The following ITCH variants were observed in gnomAD, a reference collection of about 807,000 sequenced individuals.
ITCH encodes E3 ubiquitin-protein ligase Itchy homolog.
ITCH carries 28 observed loss-of-function variants against 126.8 expected under a neutral mutation model. That is an observed-to-expected ratio of 0.22 (90% CI 0.16 to 0.30). ITCH has a LOEUF of 0.30. Among genes scored for constraint, ITCH ranks in the 10% least tolerant of loss-of-function variants. ITCH has a pLI of 1.00. For missense variants in ITCH, 631 were observed against 1,032.4 expected (o/e 0.61, Z 5.33); for synonymous variants, 342 against 340.0 (o/e 1.01, Z -0.06).
intron 22 of ITCH, among the ~76,000 whole-genome samples, chr20:34,491,088 A>G (rs544464948): frequency 6.6e-6 from 1 of 152,294 alleles, no homozygotes; most frequent in East Asian, 1.9e-4. Flanking sequence ...AAAATCATAA[A>G]TCGAACCATC....
At chr20:34,405,840 T>C (rs1054748274) in intron 3 of ITCH, among the ~76,000 whole-genome samples, 2 of 151,972 alleles carry the variant, frequency 1.3e-5, no homozygotes, top group Non-Finnish European at 2.9e-5. Flanking sequence ...TCCAGGCTGG[T>C]CTTAAACTCC....
intron 23 of ITCH, among the ~76,000 whole-genome samples, chr20:34,499,306 T>TG (rs1990099102): frequency 2.9e-5 from 4 of 135,634 alleles, no homozygotes; most frequent in Admixed American, 7.6e-5. Context: ...TTTTTTTTTT[T>TG]GAGACAGTCT....
At chr20:34,406,824 G>T (rs1339465910) in intron 3 of ITCH, among the ~76,000 whole-genome samples, 1 of 152,094 alleles carries the variant, frequency 6.6e-6, no homozygotes, top group Non-Finnish European at 1.5e-5. Context: ...GTGAGCCACC[G>T]CACCCGGCTA....
At chr20:34,486,764 C>T (rs1006605064) in intron 20 of ITCH, among the ~76,000 whole-genome samples, 1 of 151,718 alleles carries the variant, frequency 6.6e-6, no homozygotes, top group Non-Finnish European at 1.5e-5. Context: ...GTGGTGAAAT[C>T]TTGCCTCACG....
intron 2 of ITCH, among the ~76,000 whole-genome samples, chr20:34,370,612 C>G (rs1208815643): frequency 6.8e-6 from 1 of 146,920 alleles, no homozygotes; most frequent in Non-Finnish European, 1.5e-5. Context: ...TGCAGTAAGC[C>G]AAGATCGTGC....
intron 11 of ITCH, among the ~76,000 whole-genome samples, chr20:34,449,027 TATA>T (rs934878277): frequency 1.3e-5 from 2 of 152,160 alleles, no homozygotes; most frequent in African/African-American, 2.4e-5. Flanking sequence ...GAGTTACACA[TATA>T]ATATTTTTCA....
At chr20:34,445,230 C>CT in intron 10 of ITCH, 57 bp from the exon 11 acceptor site, 1 of 1,574,826 alleles carries the variant, frequency 6.3e-7, no homozygotes, top group Non-Finnish European at 8.6e-7. Flanking sequence ...AATATTCTAT[C>CT]TGTTTCACAA....
At chr20:34,370,698 T>A (rs1457754295) in intron 2 of ITCH, among the ~76,000 whole-genome samples, 1 of 147,904 alleles carries the variant, frequency 6.8e-6, no homozygotes, top group African/African-American at 2.5e-5. Context: ...GTTATCTAGA[T>A]CCACAAGGTG....
chr20:34,410,107 C>T (rs1254572874), intron 4 of ITCH, among the ~76,000 whole-genome samples: 1 of 151,922 alleles, frequency 6.6e-6, no homozygotes, highest in African/African-American at 2.4e-5. Context: ...GTGGCTCACT[C>T]CTGTAATCCC....
chr20:34,489,890 T>C lies in ITCH; in HGVS notation c.2283T>C (p.Tyr761=). The change falls in exon 22 of 25, where the codon TAT becomes TAC. Residue 761 remains tyrosine, a synonymous_variant. Transcript: ENST00000374864. ...AAAGACATGCCATCTACCGTCATTATGCAAGGACCAGCAAACAAATCATGT... is the reference window on the plus strand; with the variant it reads ...AAAGACATGCCATCTACCGTCATTACGCAAGGACCAGCAAACAAATCATGT... ...DWQRHAIYRH[Y]ARTSKQIMWF... 6.2e-7 allele frequency: 1 copy of C among 1,614,024 alleles called. No individual in the cohort carries two copies. Among genetic ancestry groups the C allele is most frequent in the African/African-American group, 1.3e-5 (1 of 75,060 alleles).
Position 34,480,721 on chromosome 20 carries a change from C to T in ITCH, c.1941C>T (p.Leu647=), listed in dbSNP as rs754285717. 3.1e-6 allele frequency: 5 copies of T among 1,605,080 alleles called. No individual in the cohort carries two copies. Among genetic ancestry groups the T allele is most frequent in the Middle Eastern group, 1.7e-4 (1 of 6,056 alleles). The change falls in exon 19 of 25, where the codon CTC becomes CTT. Residue 647 remains leucine, a synonymous_variant. Transcript: ENST00000374864. ...TTGATCCAGAATTTTACAATTCTCT[C>T]ATCTGGGTTAAGTAAGTTTCTTTTT... ...ESIDPEFYNS[L]IWVKENNIEE...
At chr20:34,492,435 C>CT (rs1989581438) in intron 22 of ITCH, 66 bp from the exon 23 acceptor site, 3 of 1,027,072 alleles carry the variant, frequency 2.9e-6, no homozygotes, top group Non-Finnish European at 4.5e-6. Flanking sequence ...CATTATTTTT[C>CT]TTTCTTGTTT....
intron 7 of ITCH, 108 bp downstream of exon 7, chr20:34,424,633 A>G: frequency 1.1e-6 from 1 of 933,282 alleles, no homozygotes; most frequent in African/African-American, 1.6e-5. Flanking sequence ...TGAGTGTCAG[A>G]AAGAATTCAG....
Position 34,492,600 on chromosome 20 carries a change from A to C in ITCH, c.2416+3A>C. On this transcript the variant is annotated splice_donor_region_variant and intron_variant, in intron 23 of 24. Transcript: ENST00000374864. ...AGGAGGATTTGCTGATCTCATGGGTATGTATACAGGATCACTTTTCCTATA... is the reference window on the plus strand; with the variant it reads ...AGGAGGATTTGCTGATCTCATGGGTCTGTATACAGGATCACTTTTCCTATA... 1.3e-6 allele frequency: 2 copies of C among 1,582,242 alleles called. No homozygotes were observed. Among genetic ancestry groups the C allele is most frequent in the South Asian group, 2.2e-5 (2 of 90,424 alleles).
At chr20:34,471,414 G>C (rs777780233) in intron 15 of ITCH, 30 bp from the exon 16 acceptor site, 15 of 1,332,686 alleles carry the variant, frequency 1.1e-5, no homozygotes, top group Non-Finnish European at 1.3e-5. Flanking sequence ...TTAATGATGA[G>C]AGTTGACTTA....
intron 15 of ITCH, among the ~76,000 whole-genome samples, chr20:34,471,152 A>C (rs1040339930): frequency 5.9e-5 from 9 of 152,232 alleles, no homozygotes; most frequent in South Asian, 4.1e-4. Context: ...AGCAAGAAGA[A>C]TCTGGATTAA....
At chr20:34,498,355 T>A (rs1990022925) in intron 23 of ITCH, among the ~76,000 whole-genome samples, 1 of 152,234 alleles carries the variant, frequency 6.6e-6, no homozygotes, top group Admixed American at 6.5e-5. Context: ...TGGCTGGGAC[T>A]TCCAGCAGTT....
At chr20:34,414,206 C>T (rs1204495685) in intron 6 of ITCH, among the ~76,000 whole-genome samples, 2 of 149,492 alleles carry the variant, frequency 1.3e-5, no homozygotes, top group Non-Finnish European at 3.0e-5. Flanking sequence ...TCACTTTAAA[C>T]ATTTTCTTTT....
intron 14 of ITCH, among the ~76,000 whole-genome samples, chr20:34,468,825 G>C (rs566482648): frequency 6.6e-6 from 1 of 151,390 alleles, no homozygotes; most frequent in South Asian, 2.1e-4. Context: ...AGAAATATAA[G>C]ATGTATAAAT....
Sources: gnomAD v4.1 joint callset for allele counts (sites outside exome capture counted in the v4.1 genomes callset) on GRCh38, gnomAD v4.1.1 for gene constraint, MANE v1.5 for transcripts, NCBI Gene and HGNC (gene_info 2026-07-23, HGNC 2026-07-21) for gene names.